The following RORA variants were observed in gnomAD, a reference collection of about 807,000 sequenced individuals.
RORA encodes RAR related orphan receptor A.
A neutral mutation model predicts 69.5 loss-of-function variants in RORA; 7 were observed. That is an observed-to-expected ratio of 0.10 (90% confidence interval 0.06 to 0.19). The LOEUF (loss-of-function observed/expected upper bound fraction) is 0.19, where lower values mean the gene tolerates loss of function less well. Among genes scored for constraint, RORA ranks in the 10% least tolerant of loss-of-function variants. The pLI is 1.00. For synonymous variants in RORA, 261 were observed against 240.8 expected, an observed-to-expected ratio of 1.08 and a Z score of -0.78; for missense variants, 457 against 663.0, an observed-to-expected ratio of 0.69 and a Z score of 3.41.
chr15:60,945,302 T>C (rs974710251), intron 1 of RORA, among the ~76,000 whole-genome samples: 3 of 152,188 alleles, frequency 2.0e-5, no homozygotes, highest in Admixed American at 2.0e-4. Context: ...GAGCTGGACA[T>C]TACAGGGCTG....
intron 1 of RORA, among the ~76,000 whole-genome samples, chr15:60,863,322 T>A (rs2073452436): frequency 6.6e-6 from 1 of 152,230 alleles, no homozygotes; most frequent in Admixed American, 6.5e-5. Context: ...TGTACACCAG[T>A]ACCCAAACTG....
chr15:61,064,805 G>C (rs1219958121), intron 1 of RORA, among the ~76,000 whole-genome samples: 3 of 152,118 alleles, frequency 2.0e-5, no homozygotes, highest in Non-Finnish European at 4.4e-5. Context: ...CACAGAAGCA[G>C]AACTCTAGAA....
intron 1 of RORA, among the ~76,000 whole-genome samples, chr15:60,963,837 T>G (rs747366068): frequency 1.2e-4 from 19 of 152,212 alleles, no homozygotes; most frequent in Non-Finnish European, 2.6e-4. Context: ...CTAGCCACAG[T>G]AGGAACTCTT....
chr15:60,513,710 A>G (rs946689812), intron 4 of RORA, among the ~76,000 whole-genome samples: 1 of 152,222 alleles, frequency 6.6e-6, no homozygotes, highest in African/African-American at 2.4e-5. Flanking sequence ...GCCTCTTAGA[A>G]TACGCAGGAA....
chr15:61,140,678 A>T (rs78512626), intron 1 of RORA, among the ~76,000 whole-genome samples: 2 of 151,942 alleles, frequency 1.3e-5, no homozygotes, highest in Non-Finnish European at 2.9e-5. Context: ...TATGGATGGG[A>T]GAAAAAAAAA....
intron 1 of RORA, among the ~76,000 whole-genome samples, chr15:60,835,086 C>T (rs976886206): frequency 2.0e-5 from 3 of 152,002 alleles, no homozygotes; most frequent in African/African-American, 7.2e-5. Flanking sequence ...TCTACAAGAC[C>T]GGGTAGCAGT....
chr15:60,805,587 G>T (rs1355282934), intron 1 of RORA, among the ~76,000 whole-genome samples: 2 of 152,134 alleles, frequency 1.3e-5, no homozygotes, highest in Non-Finnish European at 2.9e-5. Context: ...GGGATTCTGA[G>T]TATTTATGTA....
At chr15:60,904,896 C>G (rs746714438) in intron 1 of RORA, among the ~76,000 whole-genome samples, 36 of 152,060 alleles carry the variant, frequency 2.4e-4, no homozygotes, top group Non-Finnish European at 5.0e-4. Flanking sequence ...GACATTGATA[C>G]AGCTCAGAAT....
chr15:60,998,599 A>C (rs1595869274), intron 1 of RORA, among the ~76,000 whole-genome samples: 1 of 152,230 alleles, frequency 6.6e-6, no homozygotes, highest in Non-Finnish European at 1.5e-5. Context: ...GGGTTTCACC[A>C]TGTTAGCTAG....
rs1322925276 is a variant in RORA at position 60,545,619 on chromosome 15, C to G, written c.197-13768G>C. Among the ~76,000 whole-genome samples the G allele has an allele frequency of 2.0e-5, 3 of 152,108 alleles. No individual in the cohort carries two copies. The South Asian group carries it at 6.2e-4, about 32-fold the overall frequency. ...TGGTATCTATGAGAGAAAAATCAAG[C>G]CTTTTCCCTCTTCTGGTCTGCTACG... On this transcript the variant is annotated intron_variant, in intron 2 of 10. Transcript: ENST00000335670.
chr15:60,993,168 T>A (rs1894433067), intron 1 of RORA, among the ~76,000 whole-genome samples: 1 of 152,224 alleles, frequency 6.6e-6, no homozygotes, highest in African/African-American at 2.4e-5. Context: ...AAAAGTACCC[T>A]GCAGGTCTCT....
At chr15:61,036,600 G>C (rs911331348) in intron 1 of RORA, among the ~76,000 whole-genome samples, 2 of 152,042 alleles carry the variant, frequency 1.3e-5, no homozygotes, top group African/African-American at 4.8e-5. Flanking sequence ...TCTCTGGACT[G>C]TTCCATTAAA....
chr15:61,156,865 T>C (rs1308515559), intron 1 of RORA, among the ~76,000 whole-genome samples: 2 of 152,212 alleles, frequency 1.3e-5, no homozygotes, highest in African/African-American at 4.8e-5. Flanking sequence ...TTGCAAAATA[T>C]GGCCAGTGCA....
chr15:60,939,740 G>C (rs1049194400), intron 1 of RORA, among the ~76,000 whole-genome samples: 2 of 152,166 alleles, frequency 1.3e-5, no homozygotes, highest in South Asian at 4.1e-4. Flanking sequence ...CTCTTCCCGG[G>C]TTGTTCCAAG....
rs1172081647 is a variant in RORA at position 60,531,048 on chromosome 15, G to A, written c.282+718C>T. ...TTTCTCATCTGCACATTATGCATGT[G>A]CTGTACACATTGCCCCATGACCAAG... On this transcript the variant is annotated intron_variant, in intron 3 of 10. Transcript: ENST00000335670. This position sits in a 1 kb window ranked among gnomAD's most constrained non-coding sequence, Gnocchi z 4.8. 1 of 152,242 alleles carries A rather than the reference G, an allele frequency of 6.6e-6. No individual in the cohort carries two copies. The highest frequency in any genetic ancestry group is 1.5e-5 in the Non-Finnish European group (1 of 68,074). 9.4% of individuals were successfully genotyped at this position (152,242 alleles called of 1,614,324 possible). A position where few individuals can be genotyped will look rare whatever the true frequency, so the allele number is the denominator to read the frequency against.
intron 1 of RORA, among the ~76,000 whole-genome samples, chr15:61,144,780 T>C (rs2140867057): frequency 6.6e-6 from 1 of 152,318 alleles, no homozygotes; most frequent in Middle Eastern, 3.4e-3. Flanking sequence ...ACCACATTTC[T>C]AGGAATTGTT....
rs539847408 is a variant in RORA at position 60,990,500 on chromosome 15, C to G, written c.166+238553G>C. Among the ~76,000 whole-genome samples, 29 of 152,202 alleles carry G rather than the reference C, an allele frequency of 1.9e-4. No homozygotes were observed. In the South Asian group the frequency reaches 4.1e-3, roughly 22 times the overall value. Reference sequence around the variant, plus strand: ...AGAAATGGTGTAATTCTTTCATTTCCAATCATTCCCGGGTAAGAAATGGCT... The same window carrying G: ...AGAAATGGTGTAATTCTTTCATTTCGAATCATTCCCGGGTAAGAAATGGCT... On this transcript the variant is annotated intron_variant, in intron 1 of 10. Coordinates refer to ENST00000335670, the MANE Select transcript of RORA (RefSeq NM_134261.3).
At chr15:61,101,025 T>C (rs527587039) in intron 1 of RORA, among the ~76,000 whole-genome samples, 12 of 152,372 alleles carry the variant, frequency 7.9e-5, no homozygotes, top group African/African-American at 2.9e-4. Flanking sequence ...ATAATGTGCC[T>C]TAGCTTGCAC....
chr15:61,217,251 G>C (rs572383574), intron 1 of RORA, among the ~76,000 whole-genome samples: 1 of 152,136 alleles, frequency 6.6e-6, no homozygotes, highest in Non-Finnish European at 1.5e-5. Flanking sequence ...CTTAAGACTA[G>C]GCTCATACCT....
Sources: gnomAD v4.1 joint callset for allele counts (sites outside exome capture counted in the v4.1 genomes callset) on GRCh38, gnomAD v4.1.1 for gene constraint, Gnocchi (gnomAD v3.1) non-coding constraint, MANE v1.5 for transcripts, NCBI Gene and HGNC (gene_info 2026-07-23, HGNC 2026-07-21) for gene names.